The following WIPF2 variants were observed in gnomAD, a reference collection of about 807,000 sequenced individuals.
WIPF2 encodes the protein WAS/WASL-interacting protein family member 2.
Under a neutral mutation model 38.8 loss-of-function variants are expected in WIPF2, and 23 were observed. The observed-to-expected ratio is 0.59, with a 90% CI of 0.43 to 0.84. The LOEUF is 0.84. Among genes scored for constraint, WIPF2 ranks in the 40% least tolerant of loss-of-function variants. The probability of loss-of-function intolerance (pLI) is 0.00; values close to 1 mark genes in which losing one functional copy is unlikely to be tolerated. For missense variants in WIPF2, 574 were observed against 580.5 expected (o/e 0.99, Z 0.11); for synonymous variants, 210 against 223.2 (o/e 0.94, Z 0.53).
At chr17:40,238,681 C>T (rs573083991) in intron 1 of WIPF2, among the ~76,000 whole-genome samples, 2 of 151,794 alleles carry the variant, frequency 1.3e-5, no homozygotes, top group East Asian at 1.9e-4. Flanking sequence ...GGCACAATCT[C>T]GGCTCACTGC....
At chr17:40,225,689 C>T (rs2030450645) in intron 1 of WIPF2, among the ~76,000 whole-genome samples, 1 of 152,134 alleles carries the variant, frequency 6.6e-6, no homozygotes. Context: ...GACAGGATCT[C>T]TCTCTCTTGC....
At chr17:40,241,821 T>C (rs1690876309) in intron 1 of WIPF2, among the ~76,000 whole-genome samples, 2 of 152,220 alleles carry the variant, frequency 1.3e-5, no homozygotes, top group African/African-American at 4.8e-5. Flanking sequence ...TATAGATTCC[T>C]ACGCCTAGAA....
intron 1 of WIPF2, among the ~76,000 whole-genome samples, chr17:40,250,122 C>T (rs1162850319): frequency 2.0e-5 from 3 of 150,250 alleles, no homozygotes; most frequent in Non-Finnish European, 4.4e-5. Context: ...CTGAGCCACC[C>T]TGCTGGACCG....
At chr17:40,241,357 CA>C (rs1421291789) in intron 1 of WIPF2, among the ~76,000 whole-genome samples, 3 of 152,150 alleles carry the variant, frequency 2.0e-5, no homozygotes, top group Non-Finnish European at 4.4e-5. Context: ...CCATTAATGC[CA>C]TCTTACATCT....
At chr17:40,265,363 A>C (rs1244051629) in intron 5 of WIPF2, among the ~76,000 whole-genome samples, 1 of 152,232 alleles carries the variant, frequency 6.6e-6, no homozygotes, top group Non-Finnish European at 1.5e-5. Flanking sequence ...CATAGTATGC[A>C]GTATGCTTTA....
At chr17:40,235,313 AC>A (rs1326297748) in intron 1 of WIPF2, among the ~76,000 whole-genome samples, 1 of 152,228 alleles carries the variant, frequency 6.6e-6, no homozygotes, top group Non-Finnish European at 1.5e-5. Flanking sequence ...AGTGAAAGTT[AC>A]AAAAGAAAAA....
chr17:40,252,411 C>T (rs1432801381), intron 1 of WIPF2, among the ~76,000 whole-genome samples: 1 of 152,116 alleles, frequency 6.6e-6, no homozygotes, highest in Admixed American at 6.6e-5. Context: ...CCCCTGTAAT[C>T]CCAGCACTTT....
At chr17:40,239,142 GC>G (rs1298547149) in intron 1 of WIPF2, among the ~76,000 whole-genome samples, 1 of 151,018 alleles carries the variant, frequency 6.6e-6, no homozygotes, top group Non-Finnish European at 1.5e-5. Context: ...TGCGATCTCG[GC>G]TCACTGCAAG....
intron 1 of WIPF2, among the ~76,000 whole-genome samples, chr17:40,222,215 A>G: frequency 6.7e-6 from 1 of 149,564 alleles, no homozygotes; most frequent in Non-Finnish European, 1.5e-5. Context: ...TGCCACGCCC[A>G]GCTAATTTTT....
Position 40,264,718 on chromosome 17 carries a change from C to A in WIPF2, c.542C>A (p.Pro181His). ...AGCTCCTCTGCCCCTCCCCCACCAC[C>A]CCCAGGGCGGCGTGCCAACGCACCC... The part of the protein sequence containing the change: ...KHSSSAPPPP[P>H]PGRRANAPPT... Residue 181 changes from proline to histidine, a missense_variant, in exon 5 of 8, where the codon CCC becomes CAC. By Grantham distance (77) the Pro-to-His change is moderately conservative. Transcript: ENST00000323571. 1 of 1,611,804 alleles carries A rather than the reference C, an allele frequency of 6.2e-7. No individual in the cohort carries two copies.
chr17:40,269,518 GC>G (rs893770063), intron 5 of WIPF2, among the ~76,000 whole-genome samples: 1 of 140,352 alleles, frequency 7.1e-6, no homozygotes, highest in Non-Finnish European at 1.5e-5. Flanking sequence ...CTCAAAACCC[GC>G]CCCCCCAAAA....
At chr17:40,252,383 G>T (rs1013484707) in intron 1 of WIPF2, among the ~76,000 whole-genome samples, 14 of 152,124 alleles carry the variant, frequency 9.2e-5, no homozygotes, top group Non-Finnish European at 1.6e-4. Context: ...AGAAACCCAG[G>T]CCGGGCATGG....
chr17:40,237,595 C>T (rs1314510173), intron 1 of WIPF2, among the ~76,000 whole-genome samples: 2 of 151,360 alleles, frequency 1.3e-5, no homozygotes, highest in Admixed American at 6.6e-5. Context: ...GCTGTTCTTC[C>T]GACTCTCTGT....
At chr17:40,262,788 A>T in intron 4 of WIPF2, 147 bp downstream of exon 4, 1 of 641,170 alleles carries the variant, frequency 1.6e-6, no homozygotes, top group Non-Finnish European at 2.8e-6. Context: ...AGAATACAGC[A>T]AAAGCTGAGG....
At chr17:40,238,084 C>T (rs2031047763) in intron 1 of WIPF2, among the ~76,000 whole-genome samples, 1 of 150,504 alleles carries the variant, frequency 6.6e-6, no homozygotes, top group Admixed American at 6.6e-5. Context: ...AAAAAAAGCT[C>T]TTGACCTTGT....
chr17:40,220,631 A>ATATATATATATATATATATTTT (rs1567705944), intron 1 of WIPF2: 1 of 123,990 alleles, frequency 8.1e-6, no homozygotes, highest in African/African-American at 3.2e-5. Flanking sequence ...ATATATATAT[A>ATATATATATATATATATATTTT]TTTTTTTGTT....
intron 2 of WIPF2, among the ~76,000 whole-genome samples, chr17:40,258,087 A>G (rs1226320014): frequency 2.6e-5 from 4 of 152,156 alleles, no homozygotes; most frequent in Non-Finnish European, 4.4e-5. Context: ...TGGAAGCCCA[A>G]TAAATGAAGG....
intron 2 of WIPF2, 54 bp downstream of exon 2, chr17:40,256,576 G>A (rs2031738409): frequency 3.9e-6 from 6 of 1,532,750 alleles, no homozygotes; most frequent in Non-Finnish European, 4.4e-6. Context: ...ATAGGTTGAT[G>A]GTCCTCACAT....
chr17:40,228,102 G>A (rs1406906646), intron 1 of WIPF2, among the ~76,000 whole-genome samples: 3 of 124,462 alleles, frequency 2.4e-5, no homozygotes, highest in African/African-American at 6.1e-5. Flanking sequence ...TGCAAGCTCC[G>A]CCTCCCGGGT....
Sources: allele counts gnomAD v4.1 joint callset (sites outside exome capture counted in the v4.1 genomes callset), GRCh38; gene constraint gnomAD v4.1.1; transcripts MANE v1.5; gene names NCBI Gene and HGNC (gene_info 2026-07-23, HGNC 2026-07-21).